Variants in SBF2 observed in about 807,000 individuals in gnomAD.
The protein encoded by SBF2 is myotubularin-related protein 13.
In SBF2, 112 loss-of-function variants were observed where a neutral mutation model predicts 225.2. The observed-to-expected ratio is 0.50, with a 90% CI of 0.43 to 0.58. The LOEUF is 0.58. Among genes scored for constraint, SBF2 ranks in the 20% least tolerant of loss-of-function variants. SBF2 has a pLI of 0.00. For synonymous variants in SBF2, 763 were observed against 773.3 expected (o/e 0.99, Z 0.22); for missense variants, 1,996 against 2,206.2 (o/e 0.90, Z 1.91).
intron 2 of SBF2, among the ~76,000 whole-genome samples, chr11:10,069,440 A>C (rs887710670): frequency 6.6e-6 from 1 of 151,714 alleles, no homozygotes; most frequent in Non-Finnish European, 1.5e-5. Context: ...ACAGTTTGCT[A>C]AGAACGATGG....
rs967503659 is a variant in SBF2 at position 9,813,432 on chromosome 11, A to G, written c.3979-724T>C. 6.6e-5 allele frequency among the ~76,000 whole-genome samples: 10 copies of G among 152,076 alleles called. No homozygotes were observed. In the East Asian group the frequency reaches 1.5e-3, roughly 24 times the overall value. ...AACCTCCGCTTCCCAGGTTCAAGCG[A>G]TTCTCCTGCCTCAGCCTCCCGAGTA... On this transcript the variant is annotated intron_variant, in intron 29 of 39. Coordinates refer to ENST00000256190, the MANE Select transcript of SBF2 (RefSeq NM_030962.4).
chr11:10,276,969 T>C (rs538927937), intron 1 of SBF2, among the ~76,000 whole-genome samples: 73 of 152,196 alleles, frequency 4.8e-4, no homozygotes, highest in Non-Finnish European at 8.8e-4. Flanking sequence ...CAATGGCTCA[T>C]GCCTGTAATA....
intron 28 of SBF2, among the ~76,000 whole-genome samples, chr11:9,824,445 T>C (rs1854949721): frequency 6.6e-6 from 1 of 151,308 alleles, no homozygotes; most frequent in Admixed American, 6.6e-5. Flanking sequence ...TAATCCCAGC[T>C]ACTCGGGAGG....
intron 32 of SBF2, among the ~76,000 whole-genome samples, chr11:9,797,556 C>T (rs140324877): frequency 1.1e-3 from 166 of 152,294 alleles, no homozygotes; most frequent in African/African-American, 3.2e-3. Context: ...AGCTAGGTAG[C>T]GTGCCATACT....
At chr11:10,168,687 T>C (rs1420191455) in intron 2 of SBF2, among the ~76,000 whole-genome samples, 1 of 152,216 alleles carries the variant, frequency 6.6e-6, no homozygotes, top group African/African-American at 2.4e-5. Context: ...AGATATTATT[T>C]ATGAGCAGGT....
At chr11:9,780,921 C>T (rs1259065829) in intron 39 of SBF2, 4 of 304,316 alleles carry the variant, frequency 1.3e-5, no homozygotes, top group Non-Finnish European at 2.5e-5. Flanking sequence ...GCCTTCGTGT[C>T]CCCTTTCTTT....
Position 10,054,608 on chromosome 11 carries a change from C to T in SBF2, c.142-11627G>A, listed in dbSNP as rs148767949. On this transcript the variant is annotated intron_variant, in intron 2 of 39. Transcript: ENST00000256190. The stretch of plus-strand genomic sequence containing the variant: ...TCTGCAAAACAAAAGAAATAATCAA[C>T]GGAGTGAACAGACAACTTATAGAAT... Among the ~76,000 whole-genome samples, 9 of 152,150 alleles carry T rather than the reference C, an allele frequency of 5.9e-5. No homozygotes were observed. In the East Asian group the frequency reaches 7.7e-4, roughly 13 times the overall value.
chr11:9,785,001 G>A, intron 37 of SBF2, 124 bp downstream of exon 37: 1 of 873,536 alleles, frequency 1.1e-6, no homozygotes, highest in Non-Finnish European at 1.9e-6. Flanking sequence ...AAAAATTAAA[G>A]CAAATCCATT....
intron 6 of SBF2, among the ~76,000 whole-genome samples, chr11:10,018,783 G>T (rs908493011): frequency 6.6e-6 from 1 of 151,958 alleles, no homozygotes; most frequent in Non-Finnish European, 1.5e-5. Context: ...TTTTTACAAC[G>T]GTTTCTTTAT....
At chr11:9,887,606 T>C (rs528272888) in intron 17 of SBF2, among the ~76,000 whole-genome samples, 11 of 152,286 alleles carry the variant, frequency 7.2e-5, no homozygotes, top group Admixed American at 2.0e-4. Flanking sequence ...CTGACCATTC[T>C]AAAATTCTGC....
intron 2 of SBF2, among the ~76,000 whole-genome samples, chr11:10,180,254 G>A (rs1565325823): frequency 1.3e-5 from 2 of 151,890 alleles, no homozygotes; most frequent in Admixed American, 6.6e-5. Flanking sequence ...ATCATTTCTT[G>A]TAAGACAGGT....
intron 6 of SBF2, among the ~76,000 whole-genome samples, chr11:10,022,983 T>C (rs945539894): frequency 1.3e-5 from 2 of 152,160 alleles, no homozygotes; most frequent in African/African-American, 2.4e-5. Flanking sequence ...CGGCACATAA[T>C]ACTTGCTTGT....
chr11:9,963,448 G>C (rs1866709563), intron 15 of SBF2, among the ~76,000 whole-genome samples: 1 of 152,176 alleles, frequency 6.6e-6, no homozygotes, highest in Non-Finnish European at 1.5e-5. Flanking sequence ...CTGGGTGACA[G>C]AGCAAGACTC....
chr11:10,262,962 C>A (rs1414952322), intron 1 of SBF2, among the ~76,000 whole-genome samples: 2 of 151,656 alleles, frequency 1.3e-5, no homozygotes, highest in Non-Finnish European at 3.0e-5. Context: ...GAAAAAAAAA[C>A]TTGCATTAAC....
intron 16 of SBF2, among the ~76,000 whole-genome samples, chr11:9,953,485 G>C (rs1041429885): frequency 4.6e-5 from 7 of 152,076 alleles, no homozygotes; most frequent in Non-Finnish European, 1.0e-4. Context: ...TATATATGAT[G>C]GAATACTACT....
chr11:9,993,189 TTC>T, intron 10 of SBF2, 86 bp from the exon 11 acceptor site: 1 of 929,280 alleles, frequency 1.1e-6, no homozygotes, highest in Non-Finnish European at 1.7e-6. Flanking sequence ...AGGGCATATA[TTC>T]CAAGTCCTTT....
intron 16 of SBF2, among the ~76,000 whole-genome samples, chr11:9,898,117 G>GAAGAGT (rs1264942604): frequency 2.7e-5 from 4 of 150,922 alleles, no homozygotes; most frequent in African/African-American, 9.7e-5. Flanking sequence ...AGGGAAATAG[G>GAAGAGT]CAAAGATAAT....
At chr11:10,240,496 C>T (rs1478274689) in intron 1 of SBF2, among the ~76,000 whole-genome samples, 1 of 152,084 alleles carries the variant, frequency 6.6e-6, no homozygotes, top group African/African-American at 2.4e-5. Context: ...ATGTCCAACA[C>T]AAAAATCAAA....
intron 16 of SBF2, among the ~76,000 whole-genome samples, chr11:9,927,216 C>T (rs964212230): frequency 3.3e-5 from 5 of 152,210 alleles, no homozygotes; most frequent in Non-Finnish European, 7.3e-5. Flanking sequence ...AAATACATTA[C>T]ATCTACAAAA....
Sources: allele counts gnomAD v4.1 joint callset (sites outside exome capture counted in the v4.1 genomes callset), GRCh38; gene constraint gnomAD v4.1.1; transcripts MANE v1.5; gene names NCBI Gene and HGNC (gene_info 2026-07-23, HGNC 2026-07-21).